Variants in CNTNAP2 observed in about 807,000 individuals in gnomAD.
CNTNAP2 encodes the protein contactin-associated protein-like 2.
Under a neutral mutation model 155.2 loss-of-function variants are expected in CNTNAP2, and 98 were observed. The ratio of observed to expected loss-of-function variants is 0.63; its 90% CI spans 0.54 to 0.75. The LOEUF (loss-of-function observed/expected upper bound fraction) is 0.75, where lower values mean the gene tolerates loss of function less well. CNTNAP2 is among the 30% of genes least tolerant of loss of function. The probability of loss-of-function intolerance (pLI) is 0.00; values close to 1 mark genes in which losing one functional copy is unlikely to be tolerated. For missense variants in CNTNAP2, 1,727 were observed against 1,688.1 expected, an observed-to-expected ratio of 1.02 and a Z score of -0.40; for synonymous variants, 651 against 631.2, an observed-to-expected ratio of 1.03 and a Z score of -0.47.
intron 3 of CNTNAP2, among the ~76,000 whole-genome samples, chr7:146,928,729 A>C (rs1282613785): frequency 1.3e-5 from 2 of 152,190 alleles, no homozygotes; most frequent in Admixed American, 1.3e-4. Context: ...GGTCACTCCC[A>C]CCCTAATACT....
intron 4 of CNTNAP2, among the ~76,000 whole-genome samples, chr7:147,086,065 C>T (rs968298108): frequency 2.6e-5 from 4 of 152,194 alleles, no homozygotes; most frequent in Non-Finnish European, 4.4e-5. Flanking sequence ...CCTACCGCAG[C>T]TTCCAAGAGA....
intron 4 of CNTNAP2, among the ~76,000 whole-genome samples, chr7:147,084,309 AATCC>A (rs1265875361): frequency 2.5e-3 from 83 of 33,340 alleles, no homozygotes; most frequent in African/African-American, 4.0e-3. Flanking sequence ...ATGTATATAT[AATCC>A]ATATATGCAT....
At chr7:147,151,088 G>T (rs747226566) in intron 8 of CNTNAP2, among the ~76,000 whole-genome samples, 1 of 152,166 alleles carries the variant, frequency 6.6e-6, no homozygotes, top group African/African-American at 2.4e-5. Context: ...GTAAAGAGAA[G>T]GCCAAAGCTT....
At chr7:147,362,279 C>A (rs893520075) in intron 9 of CNTNAP2, among the ~76,000 whole-genome samples, 1 of 152,282 alleles carries the variant, frequency 6.6e-6, no homozygotes, top group African/African-American at 2.4e-5. Flanking sequence ...ATTACAGTTG[C>A]ATGCCACCAC....
chr7:146,260,562 AAG>A (rs1799905087), intron 1 of CNTNAP2, among the ~76,000 whole-genome samples: 1 of 152,156 alleles, frequency 6.6e-6, no homozygotes, highest in African/African-American at 2.4e-5. Flanking sequence ...ATGGAGTCAA[AAG>A]AGATTATTTT....
intron 8 of CNTNAP2, among the ~76,000 whole-genome samples, chr7:147,275,140 G>A (rs749654540): frequency 5.9e-5 from 9 of 151,860 alleles, no homozygotes; most frequent in Non-Finnish European, 1.0e-4. Flanking sequence ...TTGGCTCTTC[G>A]AGCTCTTTTT....
intron 11 of CNTNAP2, among the ~76,000 whole-genome samples, chr7:147,498,026 G>A (rs1323945353): frequency 1.3e-5 from 2 of 152,176 alleles, no homozygotes; most frequent in African/African-American, 4.8e-5. Context: ...AGTTCCAGGA[G>A]AGAAGTACTG....
chr7:147,841,408 T>C (rs117010750), intron 13 of CNTNAP2, among the ~76,000 whole-genome samples: 6,447 of 152,172 alleles, frequency 0.042, 193 homozygotes, highest in Middle Eastern at 0.061. Context: ...CTAGATAAAA[T>C]GTCATGAGCA....
chr7:148,122,209 G>A (rs969134856), intron 16 of CNTNAP2, among the ~76,000 whole-genome samples: 2 of 152,216 alleles, frequency 1.3e-5, no homozygotes, highest in African/African-American at 4.8e-5. Flanking sequence ...CAGCCAGGAA[G>A]TGGCAGAGCT....
At chr7:147,248,057 G>A (rs759419279) in intron 8 of CNTNAP2, among the ~76,000 whole-genome samples, 2 of 151,440 alleles carry the variant, frequency 1.3e-5, no homozygotes, top group Non-Finnish European at 2.9e-5. Context: ...GTGGGAGGGC[G>A]TATCCACAGA....
At chr7:147,963,239 T>C (rs1338705261) in intron 14 of CNTNAP2, among the ~76,000 whole-genome samples, 1 of 152,142 alleles carries the variant, frequency 6.6e-6, no homozygotes, top group Admixed American at 6.6e-5. Flanking sequence ...AGTAAGAATG[T>C]GCTATAGAGA....
intron 1 of CNTNAP2, among the ~76,000 whole-genome samples, chr7:146,166,174 A>G (rs1798309604): frequency 6.6e-6 from 1 of 151,854 alleles, no homozygotes; most frequent in Non-Finnish European, 1.5e-5. Context: ...GCTCACTGCA[A>G]CCTCTGCCTC....
intron 1 of CNTNAP2, among the ~76,000 whole-genome samples, chr7:146,641,109 A>T (rs1037584115): frequency 6.6e-6 from 1 of 152,028 alleles, no homozygotes; most frequent in African/African-American, 2.4e-5. Context: ...GGCGGATCAC[A>T]AGGTCAGGAG....
At chr7:146,190,119 C>G (rs1388868183) in intron 1 of CNTNAP2, among the ~76,000 whole-genome samples, 1 of 152,156 alleles carries the variant, frequency 6.6e-6, no homozygotes, top group African/African-American at 2.4e-5. Flanking sequence ...TCCTTACTGA[C>G]CCTTGGTAAG....
intron 12 of CNTNAP2, among the ~76,000 whole-genome samples, chr7:147,601,928 C>A (rs1240049016): frequency 1.3e-5 from 2 of 151,994 alleles, no homozygotes; most frequent in African/African-American, 4.8e-5. Context: ...GAAAGTAAGT[C>A]TTCCGCCTGT....
At chr7:147,999,106 A>G (rs1327053715) in intron 15 of CNTNAP2, among the ~76,000 whole-genome samples, 1 of 152,042 alleles carries the variant, frequency 6.6e-6, no homozygotes, top group Non-Finnish European at 1.5e-5. Flanking sequence ...TTTTTGAGAC[A>G]GAGTGTTACT....
At chr7:147,983,444 T>A (rs1033395396) in intron 15 of CNTNAP2, among the ~76,000 whole-genome samples, 7 of 132,480 alleles carry the variant, frequency 5.3e-5, no homozygotes, top group Non-Finnish European at 8.0e-5. Context: ...AAAAAAAAAA[T>A]AAAAATAAAA....
chr7:147,114,208 C>T (rs921503261), intron 5 of CNTNAP2, among the ~76,000 whole-genome samples: 1 of 152,064 alleles, frequency 6.6e-6, no homozygotes, highest in Non-Finnish European at 1.5e-5. Context: ...TTTTCATTTG[C>T]TGTTGAGTGT....
At chr7:146,908,893 G>C (rs1175730748) in intron 3 of CNTNAP2, among the ~76,000 whole-genome samples, 2 of 147,958 alleles carry the variant, frequency 1.4e-5, no homozygotes, top group East Asian at 3.9e-4. Context: ...CAACAAAATT[G>C]ATAGACCACT....
Sources: gnomAD v4.1 joint callset for allele counts (sites outside exome capture counted in the v4.1 genomes callset) on GRCh38, gnomAD v4.1.1 for gene constraint, MANE v1.5 for transcripts, NCBI Gene and HGNC (gene_info 2026-07-23, HGNC 2026-07-21) for gene names.